WDR44: variants seen among roughly 807,000 people sequenced by gnomAD.
The protein encoded by WDR44 is WD repeat-containing protein 44.
A neutral mutation model predicts 65.7 loss-of-function variants in WDR44; 9 were observed. The ratio of observed to expected loss-of-function variants is 0.14; its 90% confidence interval spans 0.08 to 0.24. WDR44 has a LOEUF of 0.24. Ranked by LOEUF, WDR44 falls within the 10% of genes least tolerant of loss-of-function variation. The pLI is 1.00. For synonymous variants in WDR44, 220 were observed against 235.2 expected, an observed-to-expected ratio of 0.94 and a Z score of 0.59; for missense variants, 425 against 670.9, an observed-to-expected ratio of 0.63 and a Z score of 4.05.
At chrX:118,379,043 C>CA (rs111960903) in intron 2 of WDR44, among the ~76,000 whole-genome samples, 6,847 of 97,857 alleles carry the variant, frequency 0.07, 458 homozygotes, top group East Asian at 0.25. Context: ...GACTCCACCT[C>CA]AAAAAAAAAA....
In WDR44 at chrX:118,392,784, A is replaced by G. The variant is rs150373422; in HGVS notation, c.339A>G (p.Ile113Met). The G allele has an allele frequency of 5.4e-4, 651 of 1,210,394 alleles. 3 individuals are homozygous for G. The highest frequency in any genetic ancestry group is 4.7e-3 in the Admixed American group (215 of 45,757). ...GCAATATACCCGGACTGTTAGCCAT[A>G]GATCAAGTACTACCGGAAGAATCCC... ...DLSNIPGLLA[I>M]DQVLPEESQK... The change falls in exon 4 of 20, where the codon ATA (isoleucine) becomes ATG (methionine). Residue 113 changes from isoleucine to methionine, a missense_variant. This residue lies in a region of WDR44 where 193 missense variants were observed against 209.0 expected (regional missense o/e 0.92). Coordinates refer to ENST00000254029, the MANE Select transcript of WDR44 (RefSeq NM_019045.5).
At chrX:118,369,206 C>T (rs1182178905) in intron 1 of WDR44, among the ~76,000 whole-genome samples, 1 of 111,176 alleles carries the variant, frequency 9.0e-6, no homozygotes, top group Non-Finnish European at 1.9e-5. Context: ...GAGTCTCACT[C>T]TTTCACCCAG....
chrX:118,421,076 A>G (rs1302121312), intron 12 of WDR44, among the ~76,000 whole-genome samples: 1 of 111,401 alleles, frequency 9.0e-6, no homozygotes, highest in Non-Finnish European at 1.9e-5. Context: ...CTTTCTATTC[A>G]AAGCATGCCC....
intron 12 of WDR44, among the ~76,000 whole-genome samples, chrX:118,411,241 A>G: frequency 9.0e-6 from 1 of 111,417 alleles, no homozygotes; most frequent in Non-Finnish European, 1.9e-5. Flanking sequence ...CATGTTAGAC[A>G]TTTTTAAAAT....
In WDR44 at chrX:118,394,098, C is replaced by T; in HGVS notation, c.870C>T (p.Ser290=). The T allele has an allele frequency of 8.3e-7, 1 of 1,211,291 alleles. No individual in the cohort carries two copies. Among genetic ancestry groups the T allele is most frequent in the Non-Finnish European group, 1.1e-6 (1 of 895,015 alleles). ...NITSDSLLTA[S]MASESTVKDS... Reference sequence around the variant, plus strand: ...CGTCTGATTCTCTCCTAACCGCAAGCATGGCTTCAGAAAGTACGGTTAAGG... The same window carrying T: ...CGTCTGATTCTCTCCTAACCGCAAGTATGGCTTCAGAAAGTACGGTTAAGG... The change falls in exon 5 of 20, where the codon AGC becomes AGT. Residue 290 remains serine, a synonymous_variant. Transcript: ENST00000254029.
intron 14 of WDR44, among the ~76,000 whole-genome samples, chrX:118,438,399 C>T (rs66680461): frequency 3.8e-5 from 3 of 78,896 alleles, no homozygotes; most frequent in African/African-American, 1.1e-4. Context: ...TGGTTGTGTT[C>T]GTTTTCTTTC....
intron 12 of WDR44, among the ~76,000 whole-genome samples, chrX:118,418,188 A>G (rs1284282530): frequency 1.8e-5 from 2 of 111,348 alleles, no homozygotes; most frequent in Non-Finnish European, 3.8e-5. Flanking sequence ...TTTTTCAGGT[A>G]AATCAGGGAT....
chrX:118,448,344 C>T (rs1453044552), intron 19 of WDR44, among the ~76,000 whole-genome samples: 1 of 111,979 alleles, frequency 8.9e-6, no homozygotes, highest in Non-Finnish European at 1.9e-5. Context: ...AGCATTTATG[C>T]CATTCAGCAT....
At chrX:118,350,726 T>C (rs1250321842) in intron 1 of WDR44, among the ~76,000 whole-genome samples, 1 of 112,186 alleles carries the variant, frequency 8.9e-6, no homozygotes, top group Non-Finnish European at 1.9e-5. Context: ...ACTGAGAACA[T>C]GTTGTAAAAA....
rs1430398557 is a variant in WDR44 at position 118,444,262 on chromosome X, T to C, written c.2513-98T>C. 5.1e-6 allele frequency: 5 copies of C among 983,126 alleles called. No homozygotes were observed. The East Asian group carries it at 1.6e-4, about 31-fold the overall frequency. 81.0% of individuals were successfully genotyped at this position (983,126 alleles called of 1,213,427 possible). The stretch of plus-strand genomic sequence containing the variant: ...GTTTTAAATCACTCTTAGTTACTTC[T>C]ATGTTAGTTTTTAAGGATATTTGGC... On this transcript the variant is annotated intron_variant, in intron 18 of 19. Transcript: ENST00000254029.
At position 118,442,888 on chromosome X, in the gene WDR44, G is replaced by A. The variant is rs2057314617; in HGVS notation, c.2384+208G>A. On this transcript the variant is annotated intron_variant, in intron 17 of 19. Coordinates refer to ENST00000254029, the MANE Select transcript of WDR44 (RefSeq NM_019045.5). ...CTGCAAATGAAGAAACCAAGACTCA[G>A]AAAATTAAGTGATTGGCCTAAAGTC... 4.5e-5 allele frequency among the ~76,000 whole-genome samples: 5 copies of A among 111,915 alleles called. 2 individuals are homozygous for A. The Middle Eastern group carries it at 0.023, about 513-fold the overall frequency.
intron 1 of WDR44, 93 bp from the exon 2 acceptor site, chrX:118,378,326 T>G: frequency 1.4e-6 from 1 of 739,153 alleles, no homozygotes; most frequent in Non-Finnish European, 2.0e-6. Context: ...TATACACATT[T>G]TTTAAATGTG....
chrX:118,351,555 A>G (rs781535957), intron 1 of WDR44, among the ~76,000 whole-genome samples: 5 of 112,556 alleles, frequency 4.4e-5, no homozygotes, highest in African/African-American at 1.6e-4. Context: ...GAGTGATAGA[A>G]GTATATTTAC....
chrX:118,368,646 T>C (rs1216297757), intron 1 of WDR44, among the ~76,000 whole-genome samples: 5 of 103,959 alleles, frequency 4.8e-5, no homozygotes, highest in Non-Finnish European at 9.7e-5. Flanking sequence ...GGAGAAGTGT[T>C]GGGAGACTGG....
intron 6 of WDR44, among the ~76,000 whole-genome samples, chrX:118,396,676 T>G (rs889769891): frequency 8.9e-6 from 1 of 111,812 alleles, no homozygotes; most frequent in Non-Finnish European, 1.9e-5. Context: ...GGAAATGAGG[T>G]GTGACTGCTA....
intron 1 of WDR44, among the ~76,000 whole-genome samples, chrX:118,363,363 T>G (rs1438514745): frequency 1.0e-5 from 1 of 99,293 alleles, no homozygotes; most frequent in Non-Finnish European, 2.0e-5. Context: ...ATCGTGCCGT[T>G]GTACTCCAGC....
At chrX:118,357,091 A>G (rs1401768696) in intron 1 of WDR44, among the ~76,000 whole-genome samples, 1 of 110,648 alleles carries the variant, frequency 9.0e-6, no homozygotes, top group Non-Finnish European at 1.9e-5. Context: ...TCGGCCTCTC[A>G]AAGTGCTGGG....
intron 13 of WDR44, 165 bp from the exon 14 acceptor site, chrX:118,436,537 A>G (rs1259911840): frequency 4.7e-6 from 3 of 632,474 alleles, no homozygotes; most frequent in Admixed American, 4.6e-5. Flanking sequence ...TGTTTGGGGG[A>G]AAATAGGATC....
rs1314558624 is a variant in WDR44 at position 118,449,296 on chromosome X, G to A, written c.*309G>A. 1 of 131,416 alleles carries A rather than the reference G, an allele frequency of 7.6e-6. No individual in the cohort carries two copies. The highest frequency in any genetic ancestry group is 1.5e-5 in the Non-Finnish European group (1 of 66,249). The allele number at this position is 131,416 out of a possible 1,213,427, so 10.8% of individuals were successfully genotyped here. On this transcript the variant is annotated 3_prime_UTR_variant, in exon 20 of 20. Coordinates refer to ENST00000254029, the MANE Select transcript of WDR44 (RefSeq NM_019045.5). Reference sequence around the variant, plus strand: ...ATTAATATATTAATCACATGTATGTGCCTTTTGGTTACATGCATTAAATCT... The same window carrying A: ...ATTAATATATTAATCACATGTATGTACCTTTTGGTTACATGCATTAAATCT...
Sources: gnomAD v4.1 joint callset for allele counts (sites outside exome capture counted in the v4.1 genomes callset) on GRCh38, gnomAD v4.1.1 for gene constraint, gnomAD v4.1.1 regional missense constraint, MANE v1.5 for transcripts, NCBI Gene and HGNC (gene_info 2026-07-23, HGNC 2026-07-21) for gene names.